Variants in ANKDD1B observed in about 807,000 individuals in gnomAD.
ANKDD1B encodes the protein ankyrin repeat and death domain containing 1B, also known as ankyrin repeat and death domain-containing protein 1B.
In ANKDD1B, 57 loss-of-function variants were observed where a neutral mutation model predicts 59.7. That is an observed-to-expected ratio of 0.95 (90% CI 0.77 to 1.19). The LOEUF is 1.19. Among genes scored for constraint, ANKDD1B ranks in the 50% most tolerant of loss-of-function variants. The pLI, the probability that ANKDD1B is intolerant of heterozygous loss-of-function variation, is 0.00. For missense variants in ANKDD1B, 602 were observed against 641.9 expected, an observed-to-expected ratio of 0.94 and a Z score of 0.67; for synonymous variants, 216 against 239.5, an observed-to-expected ratio of 0.90 and a Z score of 0.91.
chr5:75,635,650 T>C (rs1774279197), intron 6 of ANKDD1B, 134 bp from the exon 7 acceptor site: 2 of 444,792 alleles, frequency 4.5e-6, no homozygotes, highest in Non-Finnish European at 7.9e-6. Flanking sequence ...AAACTGCAGA[T>C]ACAGTGGTCC....
intron 5 of ANKDD1B, among the ~76,000 whole-genome samples, chr5:75,627,563 T>C (rs1373152201): frequency 6.6e-6 from 1 of 152,234 alleles, no homozygotes; most frequent in Non-Finnish European, 1.5e-5. Flanking sequence ...TATCTGATTT[T>C]CTCAAAGTGA....
At chr5:75,659,895 T>A (rs1775080364) in intron 10 of ANKDD1B, among the ~76,000 whole-genome samples, 1 of 152,138 alleles carries the variant, frequency 6.6e-6, no homozygotes, top group Non-Finnish European at 1.5e-5. Flanking sequence ...CATTATTAAG[T>A]GGAGATATTA....
At chr5:75,659,957 C>A (rs1462846388) in intron 10 of ANKDD1B, among the ~76,000 whole-genome samples, 2 of 151,722 alleles carry the variant, frequency 1.3e-5, no homozygotes, top group Non-Finnish European at 2.9e-5. Flanking sequence ...CATAGTATAG[C>A]GTGGCACAGA....
intron 5 of ANKDD1B, among the ~76,000 whole-genome samples, chr5:75,632,691 CCTT>C (rs1199312228): frequency 4.6e-5 from 7 of 152,270 alleles, no homozygotes; most frequent in East Asian, 1.9e-4. Context: ...CCTTTAAAGG[CCTT>C]CTTCCACCAT....
At chr5:75,644,969 G>C (rs1226124749) in intron 7 of ANKDD1B, among the ~76,000 whole-genome samples, 1 of 130,752 alleles carries the variant, frequency 7.6e-6, no homozygotes, top group East Asian at 2.0e-4. Flanking sequence ...CAACTACATG[G>C]AAACTGAACA....
chr5:75,661,428 A>T (rs1016000906), intron 10 of ANKDD1B, among the ~76,000 whole-genome samples: 2 of 149,402 alleles, frequency 1.3e-5, no homozygotes, highest in Non-Finnish European at 3.0e-5. Context: ...AAAAAAAAGT[A>T]ACACAGGCCC....
intron 7 of ANKDD1B, among the ~76,000 whole-genome samples, chr5:75,642,044 A>C (rs1472618378): frequency 1.3e-5 from 2 of 152,228 alleles, no homozygotes; most frequent in Non-Finnish European, 2.9e-5. Context: ...ATGTTGCAAT[A>C]TTGAACATGT....
chr5:75,665,383 C>G (rs1775278756), intron 11 of ANKDD1B, among the ~76,000 whole-genome samples: 1 of 152,218 alleles, frequency 6.6e-6, no homozygotes, highest in Non-Finnish European at 1.5e-5. Flanking sequence ...GTGTTCTTCC[C>G]TTTCCCTTGT....
chr5:75,669,228 T>A, intron 12 of ANKDD1B, 24 bp from the exon 13 acceptor site: 1 of 1,231,904 alleles, frequency 8.1e-7, no homozygotes, highest in Non-Finnish European at 1.0e-6. Flanking sequence ...GTGTTTTACC[T>A]CGGACCTCTT....
intron 1 of ANKDD1B, among the ~76,000 whole-genome samples, chr5:75,612,542 A>G (rs994378194): frequency 1.3e-5 from 2 of 151,708 alleles, no homozygotes; most frequent in Non-Finnish European, 2.9e-5. Context: ...GAAGCTATAC[A>G]CCAATTCATC....
At chr5:75,615,800 C>A (rs931552298) in intron 1 of ANKDD1B, among the ~76,000 whole-genome samples, 1 of 152,018 alleles carries the variant, frequency 6.6e-6, no homozygotes, top group African/African-American at 2.4e-5. Flanking sequence ...AAGGCCCTAT[C>A]TCCAAATATA....
intron 1 of ANKDD1B, 129 bp from the exon 2 acceptor site, chr5:75,616,675 C>A: frequency 2.0e-6 from 1 of 491,856 alleles, no homozygotes; most frequent in East Asian, 3.1e-5. Flanking sequence ...AGCGAAGTTC[C>A]CATGTCTTAA....
chr5:75,665,117 C>T (rs1165365771), intron 11 of ANKDD1B, among the ~76,000 whole-genome samples: 1 of 152,186 alleles, frequency 6.6e-6, no homozygotes, highest in African/African-American at 2.4e-5. Flanking sequence ...ATGGGAGCTT[C>T]CTAAAACCTG....
At chr5:75,627,738 T>A (rs1273628499) in intron 5 of ANKDD1B, among the ~76,000 whole-genome samples, 1 of 152,212 alleles carries the variant, frequency 6.6e-6, no homozygotes, top group East Asian at 1.9e-4. Context: ...TATTTTCCCC[T>A]TCAATGTGCC....
intron 11 of ANKDD1B, 46 bp from the exon 12 acceptor site, chr5:75,666,746 A>G: frequency 7.4e-7 from 1 of 1,354,158 alleles, no homozygotes; most frequent in Non-Finnish European, 1.0e-6. Flanking sequence ...TAAGGTAATA[A>G]GTAGAACATG....
At chr5:75,669,146 C>G in intron 12 of ANKDD1B, 106 bp from the exon 13 acceptor site, 2 of 1,129,306 alleles carry the variant, frequency 1.8e-6, no homozygotes, top group Non-Finnish European at 2.2e-6. Flanking sequence ...CGAAGAGGAA[C>G]AGGCAAGCAA....
At chr5:75,642,028 A>G (rs980678107) in intron 7 of ANKDD1B, among the ~76,000 whole-genome samples, 3 of 152,184 alleles carry the variant, frequency 2.0e-5, no homozygotes, top group Non-Finnish European at 2.9e-5. Flanking sequence ...GATAAATACT[A>G]AAAATATGTT....
At position 75,617,934 on chromosome 5, in the gene ANKDD1B, A is replaced by AG. The variant is rs1209900142; in HGVS notation, c.297+1033dup. Among the ~76,000 whole-genome samples the AG allele has an allele frequency of 4.6e-5, 7 of 152,068 alleles. No individual in the cohort carries two copies. In the East Asian group the frequency reaches 1.4e-3, roughly 29 times the overall value. On this transcript the variant is annotated intron_variant, in intron 2 of 13. Transcript: ENST00000601380. ...AGAATGTTGTGCATGTGGCGGCAGT[A>AG]GGGGGGTGGTGTGGCTTTGTGCTTA...
At position 75,656,076 on chromosome 5, in the gene ANKDD1B, G is replaced by A. The variant is rs7717355; in HGVS notation, c.945G>A (p.Thr315=). The change falls in exon 9 of 14, where the codon ACG becomes ACA. Residue 315 remains threonine (T), a synonymous_variant. Coordinates refer to ENST00000601380, the MANE Select transcript of ANKDD1B (RefSeq NM_001276713.2). ...LHLVVINNHI[T]VVNSLLSAQH... ...TAGTTGTTATCAACAACCACATCAC[G>A]GTTGTAAACAGTTTATTAAGTGCAC... 0.11 allele frequency: 162,982 copies of A among 1,526,186 alleles called. 9,935 individuals are homozygous for A. The highest frequency in any genetic ancestry group is 0.28 in the East Asian group (11,351 of 40,686). 94.5% of individuals were successfully genotyped at this position (1,526,186 alleles called of 1,614,324 possible).
Sources: allele counts gnomAD v4.1 joint callset (sites outside exome capture counted in the v4.1 genomes callset), GRCh38; gene constraint gnomAD v4.1.1; transcripts MANE v1.5; gene names NCBI Gene and HGNC (gene_info 2026-07-23, HGNC 2026-07-21).